TMEFF2: variants seen among roughly 807,000 people sequenced by gnomAD.
TMEFF2 encodes the protein transmembrane protein with EGF like and two follistatin like domains 2.
TMEFF2 carries 28 observed loss-of-function variants against 53.8 expected under a neutral mutation model. The observed-to-expected ratio is 0.52, with a 90% CI of 0.39 to 0.71. The LOEUF (loss-of-function observed/expected upper bound fraction) is 0.71. Among genes scored for constraint, TMEFF2 ranks in the 30% least tolerant of loss-of-function variants. The pLI is 0.00. For missense variants in TMEFF2, 353 were observed against 455.2 expected (o/e 0.78, Z 2.04); for synonymous variants, 162 against 166.3 (o/e 0.97, Z 0.20).
At chr2:191,973,431 A>T (rs539722445) in intron 7 of TMEFF2, among the ~76,000 whole-genome samples, 12 of 152,318 alleles carry the variant, frequency 7.9e-5, no homozygotes, top group African/African-American at 2.9e-4. Context: ...GTATATACAC[A>T]TACACGCACA....
chr2:192,096,823 T>C (rs2105940257), intron 4 of TMEFF2, among the ~76,000 whole-genome samples: 1 of 151,780 alleles, frequency 6.6e-6, no homozygotes, highest in South Asian at 2.1e-4. Flanking sequence ...ATTACAGGCA[T>C]CCACCACCAG....
intron 4 of TMEFF2, among the ~76,000 whole-genome samples, chr2:192,154,800 C>T (rs1055417473): frequency 6.6e-6 from 1 of 151,794 alleles, no homozygotes; most frequent in Non-Finnish European, 1.5e-5. Context: ...TTGCAACCAC[C>T]ATCTTCATGC....
chr2:192,162,662 G>A (rs973244982), intron 4 of TMEFF2, among the ~76,000 whole-genome samples: 3 of 152,052 alleles, frequency 2.0e-5, no homozygotes, highest in African/African-American at 7.2e-5. Context: ...TACAGTGAAG[G>A]ATAGCTCCTG....
At chr2:192,015,937 G>A (rs1686734882) in intron 5 of TMEFF2, among the ~76,000 whole-genome samples, 1 of 152,152 alleles carries the variant, frequency 6.6e-6, no homozygotes, top group Non-Finnish European at 1.5e-5. Flanking sequence ...TATAGTCTTA[G>A]AAAATGATAG....
intron 4 of TMEFF2, among the ~76,000 whole-genome samples, chr2:192,114,156 C>T (rs1689347136): frequency 2.0e-5 from 3 of 149,724 alleles, no homozygotes. Flanking sequence ...AAGCACAAAA[C>T]CCAAAAGAAA....
intron 5 of TMEFF2, among the ~76,000 whole-genome samples, chr2:192,010,551 C>CT (rs1038829402): frequency 3.9e-5 from 6 of 151,958 alleles, no homozygotes; most frequent in African/African-American, 1.5e-4. Context: ...AGGCATATAC[C>CT]TTTTAGTTTA....
At position 191,990,233 on chromosome 2, in the gene TMEFF2, A is replaced by G. The variant is rs564800125; in HGVS notation, c.745+8029T>C. Among the ~76,000 whole-genome samples, 21 of 152,294 alleles carry G rather than the reference A, an allele frequency of 1.4e-4. No individual in the cohort carries two copies. The East Asian group carries it at 4.0e-3, about 29-fold the overall frequency. ...GAAACAAATAGCTGTTTAGAAATGT[A>G]ATTTCTTTGAGACATTTTGTTGTAT... On this transcript the variant is annotated intron_variant, in intron 7 of 9. Transcript: ENST00000272771.
chr2:192,043,216 T>G (rs1264578136), intron 5 of TMEFF2, among the ~76,000 whole-genome samples: 1 of 152,188 alleles, frequency 6.6e-6, no homozygotes, highest in Non-Finnish European at 1.5e-5. Context: ...TAAATCTTAC[T>G]TGATTTGATA....
chr2:192,183,202 A>T (rs911251444), intron 3 of TMEFF2, among the ~76,000 whole-genome samples: 43 of 152,056 alleles, frequency 2.8e-4, no homozygotes, highest in African/African-American at 1.0e-3. Context: ...ATGAGATATG[A>T]TTCTATTCTC....
chr2:192,085,678 A>G (rs1681285554), intron 4 of TMEFF2, among the ~76,000 whole-genome samples: 1 of 151,008 alleles, frequency 6.6e-6, no homozygotes, highest in African/African-American at 2.4e-5. Context: ...ATCCATATCT[A>G]TGGAGATAGA....
intron 4 of TMEFF2, among the ~76,000 whole-genome samples, chr2:192,109,028 G>A (rs1467728492): frequency 1.3e-5 from 2 of 151,984 alleles, no homozygotes; most frequent in African/African-American, 4.8e-5. Context: ...GTTACTAGTA[G>A]AAAGTTATTG....
intron 7 of TMEFF2, among the ~76,000 whole-genome samples, chr2:191,963,159 G>GT (rs897249789): frequency 6.6e-6 from 1 of 152,116 alleles, no homozygotes; most frequent in African/African-American, 2.4e-5. Flanking sequence ...TCCCCATTGA[G>GT]TTTTCCCCTC....
intron 5 of TMEFF2, among the ~76,000 whole-genome samples, chr2:192,020,371 T>C (rs147064516): frequency 3.6e-4 from 55 of 152,244 alleles, no homozygotes; most frequent in African/African-American, 1.3e-3. Context: ...TAAAATGTCG[T>C]TATTTCATGA....
chr2:192,135,052 T>C (rs1284004264), intron 4 of TMEFF2, among the ~76,000 whole-genome samples: 1 of 152,216 alleles, frequency 6.6e-6, no homozygotes, highest in Non-Finnish European at 1.5e-5. Context: ...TGCTCCTTTT[T>C]ATTAGGCCCC....
intron 4 of TMEFF2, among the ~76,000 whole-genome samples, chr2:192,176,333 C>T (rs919044180): frequency 1.3e-5 from 2 of 151,054 alleles, no homozygotes; most frequent in African/African-American, 4.8e-5. Context: ...CGTTTTTGTT[C>T]GAAAACAGAG....
chr2:192,090,382 A>C (rs2105933931), intron 4 of TMEFF2, among the ~76,000 whole-genome samples: 1 of 152,304 alleles, frequency 6.6e-6, no homozygotes, highest in South Asian at 2.1e-4. Context: ...AAAATGTACT[A>C]GTCCATTCAT....
intron 5 of TMEFF2, among the ~76,000 whole-genome samples, chr2:192,042,308 A>T (rs1041691062): frequency 2.6e-5 from 4 of 152,180 alleles, no homozygotes; most frequent in African/African-American, 9.7e-5. Flanking sequence ...AATTGAGTAC[A>T]TGCTGTTGGA....
chr2:192,020,301 C>G (rs929935541), intron 5 of TMEFF2, among the ~76,000 whole-genome samples: 1 of 151,978 alleles, frequency 6.6e-6, no homozygotes, highest in Non-Finnish European at 1.5e-5. Flanking sequence ...TGTGTAGAGA[C>G]TTGCATACAT....
chr2:192,140,308 G>C lies in TMEFF2; in HGVS notation c.439+39360C>G, dbSNP rs181146640. ...ATAAACTTTACTGAGATAACATGTG[G>C]AGGGTCCTTATGGTGCCTGGCAGAT... On this transcript the variant is annotated intron_variant, in intron 4 of 9. Coordinates refer to ENST00000272771, the MANE Select transcript of TMEFF2 (RefSeq NM_016192.4). Among the ~76,000 whole-genome samples, 3 of 152,288 alleles carry C rather than the reference G, an allele frequency of 2.0e-5. No homozygotes were observed. In the East Asian group the frequency reaches 5.8e-4, roughly 29 times the overall value.
Sources: gnomAD v4.1 joint callset for allele counts (sites outside exome capture counted in the v4.1 genomes callset) on GRCh38, gnomAD v4.1.1 for gene constraint, MANE v1.5 for transcripts, NCBI Gene and HGNC (gene_info 2026-07-23, HGNC 2026-07-21) for gene names.